The following SHB variants were observed in gnomAD, a reference collection of about 807,000 sequenced individuals.
SHB encodes SH2 domain-containing adapter protein B.
In SHB, 20 loss-of-function variants were observed where a neutral mutation model predicts 52.3. The ratio of observed to expected loss-of-function variants is 0.38; its 90% CI spans 0.27 to 0.56. The LOEUF (loss-of-function observed/expected upper bound fraction) is 0.56, where lower values mean the gene tolerates loss of function less well. Among genes scored for constraint, SHB ranks in the 20% least tolerant of loss-of-function variants. The pLI, the probability that SHB is intolerant of heterozygous loss-of-function variation, is 0.71. For synonymous variants in SHB, 397 were observed against 316.5 expected (o/e 1.25, Z -2.70); for missense variants, 825 against 723.3 (o/e 1.14, Z -1.61).
chr9:37,975,415 TC>T (rs1441736675), intron 2 of SHB, among the ~76,000 whole-genome samples: 2 of 152,128 alleles, frequency 1.3e-5, no homozygotes, highest in South Asian at 2.1e-4. Flanking sequence ...CCCCAGACCA[TC>T]TTTTAAATAG....
chr9:37,995,310 T>C (rs1820934103), intron 2 of SHB, among the ~76,000 whole-genome samples: 1 of 152,168 alleles, frequency 6.6e-6, no homozygotes, highest in South Asian at 2.1e-4. Flanking sequence ...GCGGACACTT[T>C]CCTGGGGAAG....
intron 2 of SHB, among the ~76,000 whole-genome samples, chr9:38,003,980 C>CG (rs1420059470): frequency 1.3e-5 from 2 of 152,226 alleles, no homozygotes; most frequent in African/African-American, 4.8e-5. Flanking sequence ...GGAGCTGGCC[C>CG]GGGGGATCTA....
chr9:38,016,390 C>T (rs1308025336), intron 1 of SHB, among the ~76,000 whole-genome samples: 1 of 152,206 alleles, frequency 6.6e-6, no homozygotes, highest in Non-Finnish European at 1.5e-5. Context: ...GAGGTGAGAA[C>T]AGAAGGGCAT....
Position 38,068,429 on chromosome 9 carries a change from C to G in SHB, c.217G>C (p.Asp73His), listed in dbSNP as rs1191741179. 6.4e-7 allele frequency: 1 copy of G among 1,556,782 alleles called. No homozygotes were observed. The highest frequency in any genetic ancestry group is 1.2e-5 in the South Asian group (1 of 84,502). Residue 73 changes from aspartate (D) to histidine (H), a missense_variant, in exon 1 of 6, where the codon GAC becomes CAC. Coordinates refer to ENST00000377707, the MANE Select transcript of SHB (RefSeq NM_003028.3). ...FSASSGSLPD[D>H]SGSTSDLIRA... ...ATGAGGTCGCTGGTGCTGCCGCTGT[C>G]GTCGGGCAGCGAGCCCGAAGAGGCT...
chr9:38,002,882 G>T (rs988713972), intron 2 of SHB, among the ~76,000 whole-genome samples: 1 of 152,174 alleles, frequency 6.6e-6, no homozygotes, highest in Non-Finnish European at 1.5e-5. Flanking sequence ...CTCACCCCAA[G>T]AAATCACACA....
At chr9:38,000,399 A>C (rs563994060) in intron 2 of SHB, among the ~76,000 whole-genome samples, 197 of 152,238 alleles carry the variant, frequency 1.3e-3, no homozygotes, top group African/African-American at 4.5e-3. Context: ...ACTGCCCACG[A>C]CCTTGCCCTT....
intron 3 of SHB, among the ~76,000 whole-genome samples, chr9:37,972,204 C>T (rs1446353102): frequency 2.6e-5 from 4 of 152,166 alleles, no homozygotes; most frequent in Non-Finnish European, 5.9e-5. Context: ...GGAAAGTTGT[C>T]ACATGAGCCT....
Position 38,068,376 on chromosome 9 carries a change from T to C in SHB, c.270A>G (p.Arg90=). 6.4e-7 allele frequency: 1 copy of C among 1,574,592 alleles called. No individual in the cohort carries two copies. Among genetic ancestry groups the C allele is most frequent in the Non-Finnish European group, 8.6e-7 (1 of 1,163,978 alleles). The change falls in exon 1 of 6, where the codon CGA becomes CGG. Residue 90 remains arginine, a synonymous_variant. Transcript: ENST00000377707. The part of the protein sequence containing the change: ...LIRAYRAQKE[R]DFEDPYNGPG... ...GCCCGTTGTAGGGGTCCTCGAAGTC[T>C]CGCTCCTTCTGCGCGCGGTAGGCGC...
At chr9:38,058,316 C>T (rs1821846217) in intron 1 of SHB, among the ~76,000 whole-genome samples, 1 of 152,226 alleles carries the variant, frequency 6.6e-6, no homozygotes, top group Non-Finnish European at 1.5e-5. Flanking sequence ...CCCCAGAGGG[C>T]AGAGAGTGTC....
Position 38,063,236 on chromosome 9 carries a change from C to A in SHB, c.717+4693G>T, listed in dbSNP as rs73439938. On this transcript the variant is annotated intron_variant, in intron 1 of 5. Coordinates refer to ENST00000377707, the MANE Select transcript of SHB (RefSeq NM_003028.3). The stretch of plus-strand genomic sequence containing the variant: ...TTAAGAACTGGAGAGTGTGGCTGTT[C>A]ATCAAATGGGAATGACTGACAACTC... Among the ~76,000 whole-genome samples, 568 of 152,314 alleles carry A rather than the reference C, an allele frequency of 3.7e-3. 2 individuals carry two copies. Among genetic ancestry groups the A allele is most frequent in the African/African-American group, 0.013 (533 of 41,564 alleles).
rs1298090421 is a variant in SHB, at chr9:37,974,700, G to T, written c.976C>A (p.Pro326Thr). 1.2e-6 allele frequency: 2 copies of T among 1,614,080 alleles called. No homozygotes were observed. The highest frequency in any genetic ancestry group is 1.7e-6 in the Non-Finnish European group (2 of 1,180,008). ...VSPRLRESKL[P>T]QDDDRPADEY... ...TCGGCGGGCCTGTCGTCATCCTGGG[G>T]CAGCTTGCTCTCCCGCAGTCGGGGG... The change falls in exon 3 of 6, where the codon CCC becomes ACC. Residue 326 changes from proline to threonine, a missense_variant. Pro to Thr is a conservative substitution (Grantham distance 38). Transcript: ENST00000377707.
At position 38,068,581 on chromosome 9, in the gene SHB, G is replaced by A; in HGVS notation, c.65C>T (p.Pro22Leu). The A allele has an allele frequency of 6.7e-7, 1 of 1,489,248 alleles. No homozygotes were observed. Among genetic ancestry groups the A allele is most frequent in the African/African-American group, 1.5e-5 (1 of 68,228 alleles). The allele number at this position is 1,489,248 out of a possible 1,614,324, so 92.3% of individuals were successfully genotyped here. The stretch of plus-strand genomic sequence containing the variant: ...CTGCTCGCGGTAGTCTGGCCGCGGC[G>A]GCTGCGGGGGGCTCTTGGTCTTGCT... ...GNSKTKSPPQ[P>L]PRPDYREQRR... is the part of the protein sequence containing the mutation. The change falls in exon 1 of 6, where the codon CCG becomes CTG. Residue 22 changes from proline to leucine, a missense_variant. By Grantham distance (98) the Pro-to-Leu change is moderately conservative. Transcript: ENST00000377707.
chr9:37,931,976 A>T (rs948478082), intron 5 of SHB, among the ~76,000 whole-genome samples: 1 of 148,292 alleles, frequency 6.7e-6, no homozygotes, highest in East Asian at 2.0e-4. Flanking sequence ...AATAAGCCAG[A>T]TACAGAAATA....
At chr9:38,024,196 G>A (rs1821314103) in intron 1 of SHB, among the ~76,000 whole-genome samples, 1 of 152,194 alleles carries the variant, frequency 6.6e-6, no homozygotes, top group African/African-American at 2.4e-5. Flanking sequence ...GGGAGCTCAT[G>A]ATGTGGCAAC....
intron 4 of SHB, 69 bp from the exon 5 acceptor site, chr9:37,948,823 G>GA: frequency 6.3e-7 from 1 of 1,594,792 alleles, no homozygotes; most frequent in Non-Finnish European, 8.6e-7. Context: ...CCTGCCTTGG[G>GA]AGACTCAGCA....
intron 1 of SHB, among the ~76,000 whole-genome samples, chr9:38,049,246 C>T (rs113426703): frequency 7.9e-5 from 12 of 152,168 alleles, no homozygotes; most frequent in Non-Finnish European, 1.5e-4. Context: ...TGGGCTCAAG[C>T]GATCCTCCTG....
At chr9:38,038,707 T>C (rs899226400) in intron 1 of SHB, among the ~76,000 whole-genome samples, 2 of 152,114 alleles carry the variant, frequency 1.3e-5, no homozygotes, top group East Asian at 1.9e-4. Flanking sequence ...CAGCCCACTC[T>C]GCTCCCTACT....
At chr9:38,002,182 G>T (rs948574995) in intron 2 of SHB, among the ~76,000 whole-genome samples, 5 of 152,202 alleles carry the variant, frequency 3.3e-5, no homozygotes, top group Admixed American at 1.3e-4. Flanking sequence ...GATGAAATGA[G>T]ATGTGAGTAG....
At chr9:38,015,368 G>A in intron 2 of SHB, 1 of 701,702 alleles carries the variant, frequency 1.4e-6, no homozygotes, top group Admixed American at 2.0e-5. Context: ...CCAGGATGCT[G>A]CATACCCAGC....
Sources: allele counts gnomAD v4.1 joint callset (sites outside exome capture counted in the v4.1 genomes callset), GRCh38; gene constraint gnomAD v4.1.1; transcripts MANE v1.5; gene names NCBI Gene and HGNC (gene_info 2026-07-23, HGNC 2026-07-21).